Variants in CADM1 observed in about 807,000 individuals in gnomAD.
The protein encoded by CADM1 is cell adhesion molecule 1, also known as TSLC-1.
In CADM1, 15 loss-of-function variants were observed where a neutral mutation model predicts 53.1. The ratio of observed to expected loss-of-function variants is 0.28; its 90% CI spans 0.19 to 0.44. CADM1 has a LOEUF of 0.44. Among genes scored for constraint, CADM1 ranks in the 20% least tolerant of loss-of-function variants. CADM1 has a pLI of 1.00. For missense variants in CADM1, 434 were observed against 611.3 expected (o/e 0.71, Z 3.06); for synonymous variants, 281 against 243.0 (o/e 1.16, Z -1.45).
At chr11:115,479,314 T>G (rs1949206747) in intron 1 of CADM1, among the ~76,000 whole-genome samples, 2 of 152,068 alleles carry the variant, frequency 1.3e-5, no homozygotes, top group Non-Finnish European at 2.9e-5. Context: ...TTTAAGAAAT[T>G]TCATGTATCC....
chr11:115,236,277 C>G (rs754352774), intron 3 of CADM1, among the ~76,000 whole-genome samples: 4 of 151,940 alleles, frequency 2.6e-5, no homozygotes, highest in East Asian at 1.9e-4. Flanking sequence ...CTAAACCTTA[C>G]GAGAAACGTT....
intron 5 of CADM1, among the ~76,000 whole-genome samples, chr11:115,219,465 T>C (rs937647283): frequency 4.6e-5 from 7 of 152,210 alleles, no homozygotes; most frequent in African/African-American, 1.2e-4. Flanking sequence ...GAATTGGTAG[T>C]GCTTTCTGAG....
At position 115,404,617 on chromosome 11, in the gene CADM1, TA is replaced by T. The variant is rs564312095; in HGVS notation, c.124+99653del. 9.4e-4 allele frequency among the ~76,000 whole-genome samples: 138 copies of T among 146,452 alleles called. 1 individual carries two copies. Among genetic ancestry groups the T allele is most frequent in the African/African-American group, 3.1e-3 (123 of 40,058 alleles). On this transcript the variant is annotated intron_variant, in intron 1 of 11. Coordinates refer to ENST00000331581, the MANE Select transcript of CADM1 (RefSeq NM_001301043.2). ...AAACAAAAAATAACATAAATAAAAATAAAAAAAAACAAGCCATATACTTAAT... is the reference window on the plus strand; with the variant it reads ...AAACAAAAAATAACATAAATAAAAATAAAAAAAACAAGCCATATACTTAAT...
chr11:115,233,542 C>A lies in CADM1; in HGVS notation c.425-2052G>T, dbSNP rs17118105. 7.9e-4 allele frequency among the ~76,000 whole-genome samples: 120 copies of A among 152,240 alleles called. No homozygotes were observed. The East Asian group carries it at 0.018, about 23-fold the overall frequency. On this transcript the variant is annotated intron_variant, in intron 3 of 11. Coordinates refer to ENST00000331581, the MANE Select transcript of CADM1 (RefSeq NM_001301043.2). Reference sequence around the variant, plus strand: ...AGATGTTTAGGACTAATAAATACTACTGCATTCTGAGTGCAGTATTATAGG... The same window carrying A: ...AGATGTTTAGGACTAATAAATACTAATGCATTCTGAGTGCAGTATTATAGG...
chr11:115,451,153 T>G lies in CADM1; in HGVS notation c.124+53118A>C, dbSNP rs181361080. On this transcript the variant is annotated intron_variant, in intron 1 of 11. Coordinates refer to ENST00000331581, the MANE Select transcript of CADM1 (RefSeq NM_001301043.2). ...TAGAGCAATTTCCTTCTCCCAGAGA[T>G]AGAAGGGAGGAAAATGTCTAAACTT... is the stretch of plus-strand genomic sequence containing the variant. 9.2e-5 allele frequency among the ~76,000 whole-genome samples: 14 copies of G among 152,362 alleles called. No individual in the cohort carries two copies. The South Asian group carries it at 2.7e-3, about 29-fold the overall frequency.
At chr11:115,250,192 T>A (rs1406267286) in intron 1 of CADM1, among the ~76,000 whole-genome samples, 1 of 152,228 alleles carries the variant, frequency 6.6e-6, no homozygotes, top group Non-Finnish European at 1.5e-5. Flanking sequence ...CATGAGCCAC[T>A]GTGCCCACCC....
intron 1 of CADM1, among the ~76,000 whole-genome samples, chr11:115,360,964 G>T (rs1271725444): frequency 4.6e-5 from 7 of 152,134 alleles, no homozygotes; most frequent in Non-Finnish European, 1.0e-4. Context: ...TGACTACATA[G>T]GTACTAGGCA....
In CADM1 at chr11:115,248,065, A is replaced by G. The variant is rs12279110; in HGVS notation, c.125-7645T>C. Among the ~76,000 whole-genome samples the G allele has an allele frequency of 2.2e-3, 336 of 152,348 alleles. 3 individuals carry two copies. Among genetic ancestry groups the G allele is most frequent in the African/African-American group, 7.8e-3 (323 of 41,576 alleles). ...ATGATCTCCTACACCATGCCAAACC[A>G]AAGGTGACCAGAGTCTTGACTTCAA... On this transcript the variant is annotated intron_variant, in intron 1 of 11. Coordinates refer to ENST00000331581, the MANE Select transcript of CADM1 (RefSeq NM_001301043.2).
chr11:115,484,315 G>A (rs1394678074), intron 1 of CADM1, among the ~76,000 whole-genome samples: 1 of 152,156 alleles, frequency 6.6e-6, no homozygotes, highest in African/African-American at 2.4e-5. Flanking sequence ...CCATTAAGCT[G>A]ACCTAGATTC....
intron 1 of CADM1, among the ~76,000 whole-genome samples, chr11:115,502,558 A>G (rs1591312636): frequency 6.6e-6 from 1 of 152,038 alleles, no homozygotes; most frequent in Admixed American, 6.5e-5. Flanking sequence ...GAACCCAATT[A>G]TCTCGTAACT....
chr11:115,361,070 C>G (rs111522138), intron 1 of CADM1, among the ~76,000 whole-genome samples: 274 of 152,236 alleles, frequency 1.8e-3, no homozygotes, highest in African/African-American at 6.1e-3. Context: ...TAATAATGCC[C>G]TACTTCTTGA....
chr11:115,285,234 C>T (rs1456956664), intron 1 of CADM1, among the ~76,000 whole-genome samples: 1 of 152,170 alleles, frequency 6.6e-6, no homozygotes, highest in African/African-American at 2.4e-5. Flanking sequence ...CTTACTAAAA[C>T]GTTTTAATAG....
intron 1 of CADM1, among the ~76,000 whole-genome samples, chr11:115,253,048 A>T (rs1327034107): frequency 6.6e-6 from 1 of 152,208 alleles, no homozygotes; most frequent in Non-Finnish European, 1.5e-5. Context: ...TGGGTCACAC[A>T]TAAAATACAC....
intron 1 of CADM1, among the ~76,000 whole-genome samples, chr11:115,497,620 A>C (rs548699643): frequency 2.5e-4 from 38 of 152,352 alleles, no homozygotes; most frequent in South Asian, 6.2e-4. Context: ...CCTGCAATTT[A>C]AATCTCTGAA....
At chr11:115,411,432 G>C (rs1024973697) in intron 1 of CADM1, among the ~76,000 whole-genome samples, 8 of 152,212 alleles carry the variant, frequency 5.3e-5, no homozygotes, top group African/African-American at 1.9e-4. Context: ...ACTATATTTA[G>C]TTATGGAATG....
intron 1 of CADM1, among the ~76,000 whole-genome samples, chr11:115,317,978 CACACT>C (rs1944714265): frequency 1.2e-5 from 1 of 86,138 alleles, no homozygotes; most frequent in Non-Finnish European, 2.3e-5. Context: ...CATCCTATTA[CACACT>C]ACACACACAC....
chr11:115,290,254 A>G (rs1429352848), intron 1 of CADM1, among the ~76,000 whole-genome samples: 5 of 152,180 alleles, frequency 3.3e-5, no homozygotes, highest in African/African-American at 1.2e-4. Flanking sequence ...TCTGAGGGGA[A>G]TGTTCATCTA....
chr11:115,194,036 T>A (rs994789595), intron 9 of CADM1: 1 of 152,224 alleles, frequency 6.6e-6, no homozygotes, highest in Admixed American at 6.5e-5. Context: ...CAGTAGCACA[T>A]TGTTTCCAAA....
intron 1 of CADM1, among the ~76,000 whole-genome samples, chr11:115,492,631 G>A (rs759333933): frequency 1.3e-5 from 2 of 151,996 alleles, no homozygotes; most frequent in Non-Finnish European, 2.9e-5. Flanking sequence ...TGGTAGATTT[G>A]TTGTCTACAA....
Sources: gnomAD v4.1 joint callset for allele counts (sites outside exome capture counted in the v4.1 genomes callset) on GRCh38, gnomAD v4.1.1 for gene constraint, MANE v1.5 for transcripts, NCBI Gene and HGNC (gene_info 2026-07-23, HGNC 2026-07-21) for gene names.